TMTC1: variants seen among roughly 807,000 people sequenced by gnomAD.
TMTC1 encodes protein O-mannosyl-transferase TMTC1.
In TMTC1, 73 loss-of-function variants were observed where a neutral mutation model predicts 104.8. The ratio of observed to expected loss-of-function variants is 0.70; its 90% CI spans 0.58 to 0.85. TMTC1 has a LOEUF of 0.85. Ranked by LOEUF, TMTC1 falls within the 40% of genes least tolerant of loss-of-function variation. The probability of loss-of-function intolerance (pLI) is 0.00; values close to 1 mark genes in which losing one functional copy is unlikely to be tolerated. For synonymous variants in TMTC1, 434 were observed against 428.7 expected (o/e 1.01, Z -0.15); for missense variants, 1,035 against 1,096.1 (o/e 0.94, Z 0.79).
intron 5 of TMTC1, among the ~76,000 whole-genome samples, chr12:29,728,308 C>T (rs1381460991): frequency 6.6e-6 from 1 of 152,004 alleles, no homozygotes; most frequent in African/African-American, 2.4e-5. Flanking sequence ...GAGCTGTGAT[C>T]TGAATTCAGA....
chr12:29,556,783 C>A, intron 10 of TMTC1, 74 bp downstream of exon 10: 2 of 1,588,406 alleles, frequency 1.3e-6, no homozygotes, highest in South Asian at 1.1e-5. Flanking sequence ...GCAGCACAAT[C>A]AAATGAGTGT....
chr12:29,752,533 G>A (rs934128800), intron 4 of TMTC1, among the ~76,000 whole-genome samples: 9 of 152,100 alleles, frequency 5.9e-5, no homozygotes, highest in Non-Finnish European at 1.2e-4. Flanking sequence ...AAACCTTCAC[G>A]TATTTGCACA....
intron 5 of TMTC1, among the ~76,000 whole-genome samples, chr12:29,657,482 A>G (rs146749550): frequency 6.6e-5 from 10 of 152,302 alleles, no homozygotes; most frequent in African/African-American, 2.4e-4. Context: ...TAAGATATAA[A>G]CAACAATTTA....
chr12:29,520,147 G>A (rs1305983899), intron 12 of TMTC1, among the ~76,000 whole-genome samples: 1 of 152,196 alleles, frequency 6.6e-6, no homozygotes, highest in African/African-American at 2.4e-5. Context: ...TGTCATATAA[G>A]AGCATTGTAT....
At chr12:29,510,953 G>A (rs1036155907) in intron 17 of TMTC1, among the ~76,000 whole-genome samples, 7 of 152,054 alleles carry the variant, frequency 4.6e-5, no homozygotes, top group African/African-American at 1.4e-4. Context: ...TCCTTGCCAC[G>A]CTGCCTCCTC....
chr12:29,761,087 A>C (rs1943337985), intron 2 of TMTC1, among the ~76,000 whole-genome samples: 2 of 148,152 alleles, frequency 1.3e-5, no homozygotes, highest in East Asian at 2.0e-4. Context: ...CAGTTATAGA[A>C]TATATTAAAC....
intron 10 of TMTC1, among the ~76,000 whole-genome samples, chr12:29,546,014 T>A (rs117284139): frequency 6.6e-6 from 1 of 152,234 alleles, no homozygotes; most frequent in East Asian, 1.9e-4. Context: ...CACATGTAAT[T>A]TTGCAGTAGA....
rs1192809743 is a variant in TMTC1 at position 29,751,786 on chromosome 12, T to C, written c.818A>G (p.Asn273Ser). The C allele has an allele frequency of 1.2e-6, 2 of 1,613,762 alleles. No individual in the cohort carries two copies. Among genetic ancestry groups the C allele is most frequent in the Non-Finnish European group, 1.7e-6 (2 of 1,179,898 alleles). ...GTGAGGGAACCGCTGCTGCTTCCCA[T>C]TCTCCCGGTGAGGATGGCCTGGCAG... is the stretch of plus-strand genomic sequence containing the variant. The part of the protein sequence containing the change: ...SSLPGHPHRE[N>S]GKQQRFPHKG... Residue 273 changes from asparagine to serine, a missense_variant, in exon 5 of 18, where the codon AAT becomes AGT. Physicochemically the swap from Asn to Ser is conservative, Grantham distance 46. Coordinates refer to ENST00000539277, the MANE Select transcript of TMTC1 (RefSeq NM_001193451.2).
Position 29,556,978 on chromosome 12 carries a change from C to T in TMTC1, c.1555G>A (p.Ala519Thr). ...GTCAGTGTTCCAAGGTTGTTGAGCG[C>T]ACTTGCATGGCGTGGATACAACCTG... is the stretch of plus-strand genomic sequence containing the variant. ...ALKLYPRHAS[A>T]LNNLGTLTRD... Residue 519 changes from alanine to threonine, a missense_variant, in exon 10 of 18, where the codon GCG becomes ACG. Ala to Thr is a moderately conservative substitution (Grantham distance 58). Transcript: ENST00000539277. 1 of 1,614,104 alleles carries T rather than the reference C, an allele frequency of 6.2e-7. No homozygotes were observed. The highest frequency in any genetic ancestry group is 8.5e-7 in the Non-Finnish European group (1 of 1,180,016).
rs575609198 is a variant in TMTC1, at chr12:29,758,757, T to C, written c.501A>G (p.Arg167=). Residue 167 remains arginine (R), a synonymous_variant, in exon 3 of 18, where the codon AGA becomes AGG. Coordinates refer to ENST00000539277, the MANE Select transcript of TMTC1 (RefSeq NM_001193451.2). ...ACAGCAGACACGCTAACACGTCCGC[T>C]CTGCCAACGATCCCAGCCACCTTGG... ...HTEAVAGIVG[R]ADVLACLLFL... is the part of the protein sequence containing the mutation. The C allele has an allele frequency of 1.2e-6, 2 of 1,610,156 alleles. No individual in the cohort carries two copies. Among genetic ancestry groups the C allele is most frequent in the East Asian group, 2.2e-5 (1 of 44,674 alleles).
At chr12:29,585,398 T>C (rs1306296980) in intron 7 of TMTC1, among the ~76,000 whole-genome samples, 19 of 152,206 alleles carry the variant, frequency 1.2e-4, no homozygotes, top group South Asian at 6.2e-4. Context: ...GTTGCCTGTT[T>C]ACTCTGATGG....
chr12:29,665,182 C>A (rs1007001785), intron 5 of TMTC1, among the ~76,000 whole-genome samples: 1 of 152,108 alleles, frequency 6.6e-6, no homozygotes, highest in African/African-American at 2.4e-5. Context: ...TCAAGGGATT[C>A]GTGAAAAGTC....
intron 12 of TMTC1, chr12:29,519,591 T>TA (rs1310925916): frequency 1.3e-5 from 2 of 152,148 alleles, no homozygotes; most frequent in Non-Finnish European, 2.9e-5. Flanking sequence ...AGGAGGTCCC[T>TA]AGGAGCCTCT....
chr12:29,525,738 T>G (rs1359821283), intron 11 of TMTC1, among the ~76,000 whole-genome samples: 1 of 152,200 alleles, frequency 6.6e-6, no homozygotes, highest in Non-Finnish European at 1.5e-5. Context: ...AAAGGCCAAC[T>G]TACGTTTTCC....
chr12:29,732,730 G>C (rs918584108), intron 5 of TMTC1, among the ~76,000 whole-genome samples: 1 of 152,060 alleles, frequency 6.6e-6, no homozygotes, highest in African/African-American at 2.4e-5. Context: ...TGTCCTTGTG[G>C]CATCATTAAA....
intron 5 of TMTC1, among the ~76,000 whole-genome samples, chr12:29,675,014 A>C (rs1474657498): frequency 1.3e-5 from 2 of 152,210 alleles, no homozygotes; most frequent in Non-Finnish European, 2.9e-5. Flanking sequence ...ATATTACAGC[A>C]GTGTTGCTAT....
chr12:29,661,808 G>A (rs1254682492), intron 5 of TMTC1, among the ~76,000 whole-genome samples: 2 of 152,068 alleles, frequency 1.3e-5, no homozygotes, highest in Non-Finnish European at 2.9e-5. Context: ...GGTATCCAGT[G>A]AATAATTTTC....
chr12:29,563,676 C>T (rs535844767), intron 9 of TMTC1, among the ~76,000 whole-genome samples: 1 of 152,282 alleles, frequency 6.6e-6, no homozygotes, highest in Non-Finnish European at 1.5e-5. Flanking sequence ...GAGTTGTCCT[C>T]TGACTCTAAG....
chr12:29,757,803 C>A (rs150291624), intron 3 of TMTC1, among the ~76,000 whole-genome samples: 2 of 152,072 alleles, frequency 1.3e-5, no homozygotes, highest in African/African-American at 4.8e-5. Flanking sequence ...ACATGGATGG[C>A]GGCAGGCAAA....
Sources: allele counts gnomAD v4.1 joint callset (sites outside exome capture counted in the v4.1 genomes callset), GRCh38; gene constraint gnomAD v4.1.1; transcripts MANE v1.5; gene names NCBI Gene and HGNC (gene_info 2026-07-23, HGNC 2026-07-21).